Variants in LRRTM4 observed in about 807,000 individuals in gnomAD.
LRRTM4 encodes the protein leucine-rich repeat transmembrane neuronal protein 4.
A neutral mutation model predicts 47.6 loss-of-function variants in LRRTM4; 25 were observed. The ratio of observed to expected loss-of-function variants is 0.53; its 90% confidence interval spans 0.38 to 0.73. LRRTM4 has a LOEUF of 0.73. Ranked by LOEUF, LRRTM4 falls within the 30% of genes least tolerant of loss-of-function variation. The pLI is 0.00. For missense variants in LRRTM4, 638 were observed against 713.4 expected, an observed-to-expected ratio of 0.89 and a Z score of 1.20; for synonymous variants, 311 against 269.5, an observed-to-expected ratio of 1.15 and a Z score of -1.51.
At chr2:77,086,212 G>C (rs369120875) in intron 3 of LRRTM4, among the ~76,000 whole-genome samples, 16 of 152,200 alleles carry the variant, frequency 1.1e-4, no homozygotes, top group Admixed American at 5.9e-4. Context: ...GCCATCCAAG[G>C]AAGTAGAAAC....
At position 77,011,352 on chromosome 2, in the gene LRRTM4, G is replaced by C. The variant is rs117378847; in HGVS notation, c.1552-262436C>G. Reference sequence around the variant, plus strand: ...GCATTTATGTACTCAATAGCTACATGCGTGAGTGGCTATCACATTGGATAG... The same window carrying C: ...GCATTTATGTACTCAATAGCTACATCCGTGAGTGGCTATCACATTGGATAG... On this transcript the variant is annotated intron_variant, in intron 3 of 3. Transcript: ENST00000409884. Among the ~76,000 whole-genome samples, 166 of 152,142 alleles carry C rather than the reference G, an allele frequency of 1.1e-3. 2 individuals carry two copies. The East Asian group carries it at 0.026, about 24-fold the overall frequency.
chr2:77,346,002 T>A (rs1243769594), intron 3 of LRRTM4, among the ~76,000 whole-genome samples: 1 of 151,994 alleles, frequency 6.6e-6, no homozygotes, highest in African/African-American at 2.4e-5. Flanking sequence ...TAGTATTTTT[T>A]ATAATAGAAT....
At chr2:77,159,949 G>T (rs1012634518) in intron 3 of LRRTM4, among the ~76,000 whole-genome samples, 1 of 152,094 alleles carries the variant, frequency 6.6e-6, no homozygotes, top group African/African-American at 2.4e-5. Flanking sequence ...AATGTCAATT[G>T]TTTTCTGGCA....
intron 3 of LRRTM4, among the ~76,000 whole-genome samples, chr2:76,929,921 G>C (rs1472790217): frequency 1.8e-5 from 2 of 110,198 alleles, no homozygotes; most frequent in African/African-American, 3.6e-5. Flanking sequence ...ATTGCAATTA[G>C]AGTTTGTGTG....
intron 3 of LRRTM4, among the ~76,000 whole-genome samples, chr2:76,935,972 T>A (rs1373092073): frequency 6.6e-6 from 1 of 152,210 alleles, no homozygotes; most frequent in Non-Finnish European, 1.5e-5. Flanking sequence ...ATATTGGCTA[T>A]GAGTTTACAC....
chr2:77,266,158 G>A (rs1676043003), intron 3 of LRRTM4, among the ~76,000 whole-genome samples: 1 of 152,104 alleles, frequency 6.6e-6, no homozygotes, highest in African/African-American at 2.4e-5. Flanking sequence ...GGCTCACAAA[G>A]CCTTAAAGAA....
At chr2:76,911,875 G>T (rs543509870) in intron 3 of LRRTM4, among the ~76,000 whole-genome samples, 1 of 136,456 alleles carries the variant, frequency 7.3e-6, no homozygotes, top group South Asian at 2.4e-4. Flanking sequence ...TGTGTAGCTT[G>T]AAATTCTCCA....
chr2:77,300,564 C>T (rs1236334625), intron 3 of LRRTM4, among the ~76,000 whole-genome samples: 1 of 152,080 alleles, frequency 6.6e-6, no homozygotes, highest in East Asian at 1.9e-4. Flanking sequence ...AACAAGTATA[C>T]ATTACATTTA....
intron 3 of LRRTM4, among the ~76,000 whole-genome samples, chr2:76,835,916 A>C (rs1187188745): frequency 2.0e-5 from 3 of 152,058 alleles, no homozygotes; most frequent in Non-Finnish European, 4.4e-5. Context: ...CCACAGGACT[A>C]TTTTAATTTA....
intron 3 of LRRTM4, among the ~76,000 whole-genome samples, chr2:76,846,923 A>C (rs1381539340): frequency 6.6e-6 from 1 of 152,226 alleles, no homozygotes; most frequent in East Asian, 1.9e-4. Flanking sequence ...ATACAAATGA[A>C]TAGTTTGTAA....
In LRRTM4 at chr2:76,871,332, C is replaced by A. The variant is rs1388296619; in HGVS notation, c.1552-122416G>T. ...CTGATATTACAGATAATGGAAAGAG[C>A]ATAAATGGAGTTGAGGATTTGACCA... On this transcript the variant is annotated intron_variant, in intron 3 of 3. Transcript: ENST00000409884. Among the ~76,000 whole-genome samples the A allele has an allele frequency of 3.3e-5, 5 of 152,202 alleles. No individual in the cohort carries two copies. The East Asian group carries it at 5.8e-4, about 18-fold the overall frequency.
intron 3 of LRRTM4, among the ~76,000 whole-genome samples, chr2:77,246,572 C>T (rs1675452255): frequency 1.3e-5 from 2 of 152,044 alleles, no homozygotes; most frequent in African/African-American, 4.8e-5. Context: ...AATTGGACTG[C>T]ACAGATACAG....
intron 3 of LRRTM4, among the ~76,000 whole-genome samples, chr2:76,974,219 T>G: frequency 8.1e-6 from 1 of 124,000 alleles, no homozygotes; most frequent in African/African-American, 3.5e-5. Flanking sequence ...TACACATATA[T>G]ATACATACAT....
intron 3 of LRRTM4, among the ~76,000 whole-genome samples, chr2:77,434,320 T>C (rs1675504768): frequency 6.6e-6 from 1 of 151,994 alleles, no homozygotes; most frequent in Middle Eastern, 3.2e-3. Context: ...ATAAAAATGC[T>C]GCAAAAGATA....
At chr2:77,196,210 A>G (rs1337561604) in intron 3 of LRRTM4, among the ~76,000 whole-genome samples, 1 of 152,182 alleles carries the variant, frequency 6.6e-6, no homozygotes, top group Non-Finnish European at 1.5e-5. Context: ...CAATAATTGT[A>G]CAAATTCATG....
At chr2:77,072,277 A>C (rs1388783142) in intron 3 of LRRTM4, among the ~76,000 whole-genome samples, 1 of 152,054 alleles carries the variant, frequency 6.6e-6, no homozygotes, top group Non-Finnish European at 1.5e-5. Context: ...AGTATAGGTT[A>C]ATCTCTTTTA....
chr2:77,173,003 C>A (rs1368459585), intron 3 of LRRTM4, among the ~76,000 whole-genome samples: 1 of 152,174 alleles, frequency 6.6e-6, no homozygotes, highest in African/African-American at 2.4e-5. Context: ...TAGATATTCT[C>A]AATGTCTCAG....
chr2:76,770,363 G>A (rs1673643632), intron 3 of LRRTM4, among the ~76,000 whole-genome samples: 1 of 152,194 alleles, frequency 6.6e-6, no homozygotes, highest in East Asian at 1.9e-4. Flanking sequence ...TCCATCATCT[G>A]TATTGACCAT....
At chr2:76,820,662 C>T (rs900390671) in intron 3 of LRRTM4, among the ~76,000 whole-genome samples, 5 of 151,540 alleles carry the variant, frequency 3.3e-5, no homozygotes, top group Non-Finnish European at 7.4e-5. Context: ...GAATTACTTA[C>T]AACACATCAT....
Sources: allele counts gnomAD v4.1 joint callset (sites outside exome capture counted in the v4.1 genomes callset), GRCh38; gene constraint gnomAD v4.1.1; transcripts MANE v1.5; gene names NCBI Gene and HGNC (gene_info 2026-07-23, HGNC 2026-07-21).